Variants in SCD5 observed in about 807,000 individuals in gnomAD.
SCD5 encodes stearoyl-CoA desaturase 5.
A neutral mutation model predicts 30.4 loss-of-function variants in SCD5; 20 were observed. That is an observed-to-expected ratio of 0.66 (90% confidence interval 0.46 to 0.96). The LOEUF (loss-of-function observed/expected upper bound fraction) is 0.96, where lower values mean the gene tolerates loss of function less well. Among genes scored for constraint, SCD5 ranks in the 40% least tolerant of loss-of-function variants. The pLI is 0.00. For missense variants in SCD5, 381 were observed against 443.3 expected (o/e 0.86, Z 1.26); for synonymous variants, 173 against 176.4 (o/e 0.98, Z 0.16).
rs1334032887 is a variant in SCD5, at chr4:82,636,533, G to A, written c.802+58C>T. 5.2e-6 allele frequency: 7 copies of A among 1,358,332 alleles called. No individual in the cohort carries two copies. In the African/African-American group the frequency reaches 7.2e-5, roughly 14 times the overall value. The allele number at this position is 1,358,332 out of a possible 1,614,324, so 84.1% of individuals were successfully genotyped here. ...TTTACTGATTCCACAAAACTACTGA[G>A]AGGCCAAGAAAACCTGGGCCACCAT... On this transcript the variant is annotated intron_variant, in intron 4 of 4. Coordinates refer to ENST00000319540, the MANE Select transcript of SCD5 (RefSeq NM_001037582.3).
intron 1 of SCD5, among the ~76,000 whole-genome samples, chr4:82,726,330 T>C (rs1182514638): frequency 6.6e-6 from 1 of 150,952 alleles, no homozygotes; most frequent in East Asian, 1.9e-4. Context: ...GGCAGGAGAA[T>C]CGCTTGAACC....
At chr4:82,661,024 T>A in intron 3 of SCD5, 1 of 1,614,064 alleles carries the variant, frequency 6.2e-7, no homozygotes, top group Non-Finnish European at 8.5e-7. Flanking sequence ...ACGAAGCATC[T>A]CACACGCTGC....
intron 2 of SCD5, among the ~76,000 whole-genome samples, chr4:82,686,032 GTCTC>G (rs1484140220): frequency 6.6e-6 from 1 of 151,320 alleles, no homozygotes; most frequent in Non-Finnish European, 1.5e-5. Context: ...TTGAGACAGG[GTCTC>G]TCTCTGTCAC....
chr4:82,632,651 C>A (rs1353284004), intron 4 of SCD5, among the ~76,000 whole-genome samples: 1 of 152,160 alleles, frequency 6.6e-6, no homozygotes, highest in Non-Finnish European at 1.5e-5. Flanking sequence ...ATAGTCCCAC[C>A]AACAGTGTAA....
rs1426552339 is a variant in SCD5, at chr4:82,636,486, C to G, written c.802+105G>C. 7 of 832,178 alleles carry G rather than the reference C, an allele frequency of 8.4e-6. No individual in the cohort carries two copies. The East Asian group carries it at 1.7e-4, about 21-fold the overall frequency. The allele number at this position is 832,178 out of a possible 1,614,324, so 51.5% of individuals were successfully genotyped here. A position where few individuals can be genotyped will look rare whatever the true frequency, so the allele number is the denominator to read the frequency against. On this transcript the variant is annotated intron_variant, in intron 4 of 4. Transcript: ENST00000319540. ...AAAAAAAGCTCAAGTTCACTGAACT[C>G]CATTCCACTCCACTGCTTCTCTTTA...
chr4:82,633,143 A>G (rs1205368136), intron 4 of SCD5, among the ~76,000 whole-genome samples: 2 of 152,024 alleles, frequency 1.3e-5, no homozygotes, highest in African/African-American at 4.8e-5. Context: ...ATATCTCTCA[A>G]CAACCCCCCT....
chr4:82,677,290 C>A (rs144507981), intron 3 of SCD5, among the ~76,000 whole-genome samples: 3 of 152,326 alleles, frequency 2.0e-5, no homozygotes, highest in African/African-American at 4.8e-5. Context: ...GAAAGTCATA[C>A]AAGAGCAGGT....
chr4:82,655,723 T>C (rs1234360102), intron 3 of SCD5, among the ~76,000 whole-genome samples: 1 of 152,200 alleles, frequency 6.6e-6, no homozygotes, highest in Non-Finnish European at 1.5e-5. Flanking sequence ...AGCTAAATGT[T>C]AGCAACAATT....
intron 1 of SCD5, among the ~76,000 whole-genome samples, chr4:82,779,729 A>T (rs893944303): frequency 2.0e-5 from 3 of 152,180 alleles, no homozygotes; most frequent in Non-Finnish European, 4.4e-5. Flanking sequence ...TTTCCTCAAA[A>T]GCAAAATGTG....
intron 1 of SCD5, among the ~76,000 whole-genome samples, chr4:82,796,882 G>A (rs1406842778): frequency 6.6e-6 from 1 of 152,202 alleles, no homozygotes; most frequent in Non-Finnish European, 1.5e-5. Flanking sequence ...ACATAAAGGT[G>A]ATGGTGAAAA....
intron 1 of SCD5, among the ~76,000 whole-genome samples, chr4:82,732,071 A>C (rs1198950492): frequency 6.6e-6 from 1 of 151,882 alleles, no homozygotes; most frequent in East Asian, 1.9e-4. Flanking sequence ...TCTTTCAGGG[A>C]GGAAGATTCT....
At chr4:82,783,905 T>C (rs1239126442) in intron 1 of SCD5, among the ~76,000 whole-genome samples, 1 of 152,104 alleles carries the variant, frequency 6.6e-6, no homozygotes, top group Non-Finnish European at 1.5e-5. Context: ...TGTGGTTATA[T>C]TCTTGTTCTC....
In SCD5 at chr4:82,653,410, T is replaced by C. The variant is rs749116523; in HGVS notation, c.570-16587A>G. Reference sequence around the variant, plus strand: ...CTGCCCGAGCTCCCACATTAGAAGGTGTTTCCTAATCTCTATTCCTCTTTT... The same window carrying C: ...CTGCCCGAGCTCCCACATTAGAAGGCGTTTCCTAATCTCTATTCCTCTTTT... On this transcript the variant is annotated intron_variant, in intron 3 of 4. Coordinates refer to ENST00000319540, the MANE Select transcript of SCD5 (RefSeq NM_001037582.3). Among the ~76,000 whole-genome samples the C allele has an allele frequency of 5.3e-5, 8 of 152,260 alleles. No individual in the cohort carries two copies. The South Asian group carries it at 1.7e-3, about 32-fold the overall frequency.
At chr4:82,778,013 T>C (rs1355883973) in intron 1 of SCD5, among the ~76,000 whole-genome samples, 1 of 151,704 alleles carries the variant, frequency 6.6e-6, no homozygotes, top group Non-Finnish European at 1.5e-5. Context: ...GTGGTATATA[T>C]GTACCATGGA....
At chr4:82,762,088 C>T (rs1435141333) in intron 1 of SCD5, among the ~76,000 whole-genome samples, 1 of 150,958 alleles carries the variant, frequency 6.6e-6, no homozygotes, top group African/African-American at 2.4e-5. Context: ...GTGAGAGGAT[C>T]GCTTGAGCCC....
chr4:82,681,567 T>C (rs1728573393), intron 2 of SCD5, among the ~76,000 whole-genome samples: 1 of 151,928 alleles, frequency 6.6e-6, no homozygotes, highest in Non-Finnish European at 1.5e-5. Context: ...TCCTCACAAG[T>C]GGGAGCTAAA....
At chr4:82,742,107 A>T (rs1720888617) in intron 1 of SCD5, among the ~76,000 whole-genome samples, 1 of 151,700 alleles carries the variant, frequency 6.6e-6, no homozygotes, top group South Asian at 2.1e-4. Context: ...AAGATGGGCA[A>T]GAGTTGTATC....
intron 1 of SCD5, among the ~76,000 whole-genome samples, chr4:82,762,692 G>A (rs993289307): frequency 6.6e-6 from 1 of 152,230 alleles, no homozygotes; most frequent in African/African-American, 2.4e-5. Context: ...TGGGTTTGAG[G>A]AAGGGTCCGT....
intron 2 of SCD5, among the ~76,000 whole-genome samples, chr4:82,702,010 C>A (rs1482657598): frequency 2.6e-5 from 4 of 151,716 alleles, no homozygotes; most frequent in Admixed American, 6.6e-5. Flanking sequence ...ACCCTACTGG[C>A]AAGGAAGGAG....
Sources: gnomAD v4.1 joint callset for allele counts (sites outside exome capture counted in the v4.1 genomes callset) on GRCh38, gnomAD v4.1.1 for gene constraint, MANE v1.5 for transcripts, NCBI Gene and HGNC (gene_info 2026-07-23, HGNC 2026-07-21) for gene names.